Variants in LMBR1 observed in about 807,000 individuals in gnomAD.
LMBR1 encodes limb development membrane protein 1, also known as limb region 1 protein homolog.
Under a neutral mutation model 73.9 loss-of-function variants are expected in LMBR1, and 52 were observed. That is an observed-to-expected ratio of 0.70 (90% CI 0.56 to 0.89). The LOEUF (loss-of-function observed/expected upper bound fraction) is 0.89, where lower values mean the gene tolerates loss of function less well. LMBR1 is among the 40% of genes least tolerant of loss of function. The pLI is 0.00. For synonymous variants in LMBR1, 215 were observed against 209.4 expected, an observed-to-expected ratio of 1.03 and a Z score of -0.23; for missense variants, 539 against 579.8, an observed-to-expected ratio of 0.93 and a Z score of 0.72.
chr7:156,795,874 G>A (rs1236752995), intron 5 of LMBR1, among the ~76,000 whole-genome samples: 1 of 152,158 alleles, frequency 6.6e-6, no homozygotes, highest in African/African-American at 2.4e-5. Context: ...TTAATTGCCT[G>A]TCTTAAGAAT....
intron 2 of LMBR1, among the ~76,000 whole-genome samples, chr7:156,836,048 A>G (rs1027058346): frequency 7.2e-5 from 11 of 152,228 alleles, no homozygotes; most frequent in African/African-American, 2.7e-4. Flanking sequence ...CTTCAAGTGC[A>G]GTCACAGAGC....
At chr7:156,743,168 C>A (rs895486645) in intron 9 of LMBR1, among the ~76,000 whole-genome samples, 15 of 152,210 alleles carry the variant, frequency 9.9e-5, no homozygotes, top group African/African-American at 3.6e-4. Flanking sequence ...CACTCTACTT[C>A]GTCTGGTGGT....
intron 3 of LMBR1, among the ~76,000 whole-genome samples, chr7:156,832,917 G>A (rs1836939295): frequency 6.6e-6 from 1 of 152,176 alleles, no homozygotes. Context: ...GTGTGATTCT[G>A]AACTGGATCC....
intron 15 of LMBR1, 79 bp downstream of exon 15, chr7:156,724,033 A>G: frequency 2.1e-6 from 2 of 965,542 alleles, no homozygotes; most frequent in South Asian, 3.0e-5. Context: ...AATCTTTATG[A>G]GTAAATGTTA....
At chr7:156,833,575 G>GAA in intron 3 of LMBR1, 178 bp downstream of exon 3, 2 of 296,460 alleles carry the variant, frequency 6.7e-6, no homozygotes, top group Non-Finnish European at 1.1e-5. Context: ...AATTCCAATA[G>GAA]GAGATTGGAT....
intron 4 of LMBR1, among the ~76,000 whole-genome samples, chr7:156,814,299 A>G (rs765821152): frequency 2.6e-4 from 39 of 152,218 alleles, no homozygotes; most frequent in Admixed American, 2.0e-4. Context: ...CAAAAAGAAT[A>G]TATTAGTTTA....
intron 15 of LMBR1, among the ~76,000 whole-genome samples, chr7:156,721,474 A>G (rs1003184348): frequency 6.6e-6 from 1 of 152,048 alleles, no homozygotes; most frequent in East Asian, 1.9e-4. Context: ...ATCTTGTTCT[A>G]TTTTCACCTT....
In LMBR1 at chr7:156,685,773, A is replaced by C. The variant is rs147568017; in HGVS notation, c.1388-1610T>G. On this transcript the variant is annotated intron_variant, in intron 16 of 16. Coordinates refer to ENST00000353442, the MANE Select transcript of LMBR1 (RefSeq NM_022458.4). The surrounding 1 kb of genome is among the most constrained non-coding windows in gnomAD (Gnocchi z 4.1). ...CACTTCCACAGGGCAGATGTTGAGA[A>C]AATACTTTTCACGAAGCTCAGACCT... Among the ~76,000 whole-genome samples, 130 of 152,358 alleles carry C rather than the reference A, an allele frequency of 8.5e-4. 1 individual carries two copies. The highest frequency in any genetic ancestry group is 2.0e-3 in the Admixed American group (31 of 15,308).
intron 5 of LMBR1, among the ~76,000 whole-genome samples, chr7:156,778,240 G>GT (rs1487896604): frequency 2.6e-5 from 4 of 152,100 alleles, no homozygotes; most frequent in African/African-American, 9.7e-5. Flanking sequence ...CTCATTTCTA[G>GT]TTATCGATCT....
At chr7:156,821,581 T>C (rs1834804639) in intron 4 of LMBR1, among the ~76,000 whole-genome samples, 1 of 152,192 alleles carries the variant, frequency 6.6e-6, no homozygotes, top group African/African-American at 2.4e-5. Context: ...CTCAGAGTCT[T>C]GAAGAAACAC....
chr7:156,821,170 T>C (rs1437797676), intron 4 of LMBR1, among the ~76,000 whole-genome samples: 2 of 152,166 alleles, frequency 1.3e-5, no homozygotes, highest in African/African-American at 2.4e-5. Flanking sequence ...CATCATCAAA[T>C]GGAAGTGGTA....
chr7:156,891,619 A>T (rs1803011057), intron 1 of LMBR1, among the ~76,000 whole-genome samples: 2 of 152,132 alleles, frequency 1.3e-5, no homozygotes, highest in African/African-American at 2.4e-5. Flanking sequence ...TTATTTATTT[A>T]TTTTTTTATA....
chr7:156,734,124 T>G (rs750684070), intron 10 of LMBR1, 53 bp downstream of exon 10: 6 of 1,173,684 alleles, frequency 5.1e-6, no homozygotes, highest in Non-Finnish European at 7.3e-6. Flanking sequence ...CAGTAAAGTC[T>G]TTAATAAGAA....
chr7:156,691,863 C>A lies in LMBR1; in HGVS notation c.1226-3672G>T, dbSNP rs532777305. On this transcript the variant is annotated intron_variant, in intron 15 of 16. Coordinates refer to ENST00000353442, the MANE Select transcript of LMBR1 (RefSeq NM_022458.4). ...TGTTTTCAAATCTCTTCCTCTAAAC[C>A]ATTTTTTTGAAATAATATTAGCTAA... Among the ~76,000 whole-genome samples, 5 of 152,042 alleles carry A rather than the reference C, an allele frequency of 3.3e-5. No individual in the cohort carries two copies. In the East Asian group the frequency reaches 9.7e-4, roughly 29 times the overall value.
At chr7:156,840,247 A>G (rs1274182713) in intron 1 of LMBR1, among the ~76,000 whole-genome samples, 1 of 152,208 alleles carries the variant, frequency 6.6e-6, no homozygotes, top group African/African-American at 2.4e-5. Context: ...TGCGAGAAAA[A>G]GACAATAAAT....
intron 3 of LMBR1, among the ~76,000 whole-genome samples, chr7:156,833,016 T>G (rs1264512910): frequency 6.6e-6 from 1 of 152,204 alleles, no homozygotes; most frequent in African/African-American, 2.4e-5. Flanking sequence ...TTCACTATTT[T>G]GATACATAGG....
At chr7:156,838,419 A>G (rs1462042759) in intron 1 of LMBR1, among the ~76,000 whole-genome samples, 1 of 152,174 alleles carries the variant, frequency 6.6e-6, no homozygotes, top group Non-Finnish European at 1.5e-5. Context: ...ACTGTTTCCA[A>G]AAGTTCAACA....
chr7:156,776,257 A>C (rs190692027), intron 5 of LMBR1, among the ~76,000 whole-genome samples: 106 of 152,098 alleles, frequency 7.0e-4, no homozygotes, highest in African/African-American at 2.4e-3. Flanking sequence ...TGTGTTTCTA[A>C]ATTAAATGTA....
chr7:156,752,765 TA>T, intron 9 of LMBR1, among the ~76,000 whole-genome samples: 1 of 152,144 alleles, frequency 6.6e-6, no homozygotes, highest in Middle Eastern at 3.4e-3. Context: ...TGGTCACATA[TA>T]TAAAGGAAGG....
Sources: allele counts gnomAD v4.1 joint callset (sites outside exome capture counted in the v4.1 genomes callset), GRCh38; gene constraint gnomAD v4.1.1; non-coding constraint Gnocchi (gnomAD v3.1); transcripts MANE v1.5; gene names NCBI Gene and HGNC (gene_info 2026-07-23, HGNC 2026-07-21).